Variants in PLPP3 observed in about 807,000 individuals in gnomAD.
The protein encoded by PLPP3 is phospholipid phosphatase 3, also known as PAP2 beta.
PLPP3 carries 6 observed loss-of-function variants against 29.6 expected under a neutral mutation model. That is an observed-to-expected ratio of 0.20 (90% CI 0.11 to 0.40). The LOEUF is 0.40. Among genes scored for constraint, PLPP3 ranks in the 10% least tolerant of loss-of-function variants. The pLI, the probability that PLPP3 is intolerant of heterozygous loss-of-function variation, is 1.00. For synonymous variants in PLPP3, 152 were observed against 159.7 expected, an observed-to-expected ratio of 0.95 and a Z score of 0.36; for missense variants, 308 against 407.7, an observed-to-expected ratio of 0.76 and a Z score of 2.11.
At chr1:56,540,272 C>T (rs1157983422) in intron 1 of PLPP3, among the ~76,000 whole-genome samples, 1 of 152,170 alleles carries the variant, frequency 6.6e-6, no homozygotes, top group African/African-American at 2.4e-5. Flanking sequence ...TATTAAGTTA[C>T]AAGGAACACA....
intron 4 of PLPP3, among the ~76,000 whole-genome samples, chr1:56,517,862 G>C (rs1346635375): frequency 6.6e-6 from 1 of 152,196 alleles, no homozygotes; most frequent in Non-Finnish European, 1.5e-5. Context: ...CAAGCGTACA[G>C]CTTTTGTAAG....
chr1:56,567,896 T>A (rs1034567450), intron 1 of PLPP3, among the ~76,000 whole-genome samples: 7 of 152,148 alleles, frequency 4.6e-5, no homozygotes, highest in Admixed American at 3.9e-4. Context: ...CACCCAAATG[T>A]TCATCAAGTG....
rs530727873 is a variant in PLPP3, at chr1:56,543,813, T to C, written c.140-6701A>G. On this transcript the variant is annotated intron_variant, in intron 1 of 5. Transcript: ENST00000371250. ...TTAGCAATTGCTCATTCTTCAGTACTGGAAAGTTCAGGCCCTTTCTCCACA... is the reference window on the plus strand; with the variant it reads ...TTAGCAATTGCTCATTCTTCAGTACCGGAAAGTTCAGGCCCTTTCTCCACA... Among the ~76,000 whole-genome samples, 23 of 152,318 alleles carry C rather than the reference T, an allele frequency of 1.5e-4. No individual in the cohort carries two copies. In the South Asian group the frequency reaches 4.1e-3, roughly 27 times the overall value.
At chr1:56,547,557 G>A (rs892218653) in intron 1 of PLPP3, among the ~76,000 whole-genome samples, 1 of 152,076 alleles carries the variant, frequency 6.6e-6, no homozygotes, top group Non-Finnish European at 1.5e-5. Flanking sequence ...TGGTTAGGCC[G>A]GATGGCTAAG....
At chr1:56,573,437 A>G (rs560769458) in intron 1 of PLPP3, among the ~76,000 whole-genome samples, 3 of 152,352 alleles carry the variant, frequency 2.0e-5, no homozygotes, top group Non-Finnish European at 4.4e-5. Context: ...AAAATGCCAG[A>G]ACATTCAGTG....
intron 1 of PLPP3, among the ~76,000 whole-genome samples, chr1:56,572,088 C>T (rs1646203948): frequency 8.8e-6 from 1 of 113,138 alleles, no homozygotes. Flanking sequence ...CTCGCTCTAT[C>T]ACCCAGCCTG....
chr1:56,553,746 A>G (rs920179983), intron 1 of PLPP3, among the ~76,000 whole-genome samples: 1 of 152,240 alleles, frequency 6.6e-6, no homozygotes, highest in Admixed American at 6.5e-5. Context: ...TACAATGGCA[A>G]ACAGTAGCAT....
chr1:56,561,697 G>A (rs1011763927), intron 1 of PLPP3, among the ~76,000 whole-genome samples: 2 of 152,026 alleles, frequency 1.3e-5, no homozygotes, highest in Admixed American at 6.6e-5. Flanking sequence ...AGAGATTTCA[G>A]AGAGGAGGCA....
intron 4 of PLPP3, among the ~76,000 whole-genome samples, chr1:56,515,080 A>G (rs763640214): frequency 1.3e-5 from 2 of 152,198 alleles, no homozygotes; most frequent in Non-Finnish European, 2.9e-5. Flanking sequence ...GGTGGGGTGC[A>G]TAACAGACAG....
chr1:56,533,870 A>C (rs536232825), intron 2 of PLPP3, among the ~76,000 whole-genome samples: 77 of 152,146 alleles, frequency 5.1e-4, no homozygotes, highest in Admixed American at 1.1e-3. Flanking sequence ...CCTAAGTCAG[A>C]TGATGCCTAA....
rs1329774312 is a variant in PLPP3, at chr1:56,557,040, G to GAAAGAAAGAA, written c.140-19929_140-19928insTTCTTTCTTT. Among the ~76,000 whole-genome samples the GAAAGAAAGAA allele has an allele frequency of 1.2e-3, 12 of 10,294 alleles. 3 individuals carry two copies. The highest frequency in any genetic ancestry group is 3.6e-3 in the Admixed American group (2 of 562). The allele number at this position is 10,294 out of a possible 152,430, so 6.8% of individuals were successfully genotyped here. A position where few individuals can be genotyped will look rare whatever the true frequency, so the allele number is the denominator to read the frequency against. ...AGAGAGAGAGAAAGAGAGAGAGAGAGAGAGAGAGAGAGAGAGAGAAAGAAA... is the reference window on the plus strand; with the variant it reads ...AGAGAGAGAGAAAGAGAGAGAGAGAGAAAGAAAGAAAGAGAGAGAGAGAGAGAGAAAGAAA... On this transcript the variant is annotated intron_variant, in intron 1 of 5. Coordinates refer to ENST00000371250, the MANE Select transcript of PLPP3 (RefSeq NM_003713.5).
intron 1 of PLPP3, among the ~76,000 whole-genome samples, chr1:56,574,222 A>C: frequency 6.6e-6 from 1 of 151,090 alleles, no homozygotes; most frequent in South Asian, 2.1e-4. Context: ...AACCCTAACC[A>C]TTATGGACAG....
chr1:56,516,963 T>G lies in PLPP3; in HGVS notation c.634-4811A>C, dbSNP rs550532956. ...GGTCTTGTGGAATTCCAACAAAACC[T>G]CCTTAGAAAGGTCCGACTGAACTTG... is the stretch of plus-strand genomic sequence containing the variant. On this transcript the variant is annotated intron_variant, in intron 4 of 5. Coordinates refer to ENST00000371250, the MANE Select transcript of PLPP3 (RefSeq NM_003713.5). 5.3e-5 allele frequency: 8 copies of G among 152,306 alleles called. No homozygotes were observed. The South Asian group carries it at 1.5e-3, about 28-fold the overall frequency. The allele number at this position is 152,306 out of a possible 1,614,324, so 9.4% of individuals were successfully genotyped here.
At chr1:56,565,791 T>G (rs1053414320) in intron 1 of PLPP3, among the ~76,000 whole-genome samples, 1 of 152,146 alleles carries the variant, frequency 6.6e-6, no homozygotes, top group Non-Finnish European at 1.5e-5. Flanking sequence ...ACCTCAAAAT[T>G]TAGAGCTGAT....
At position 56,512,049 on chromosome 1, in the gene PLPP3, AC is replaced by A. The variant is rs1277550093; in HGVS notation, c.736del (p.Val246TyrfsTer25). ...MMAFYTGLSRVSDHKHHPSDV... is the reference protein window; with the variant it reads ...MMAFYTGLSRXSDHKHHPSDV... ...ACTGGGATGGTGCTTGTGGTCTGAT[AC>A]GCGAGACAGTCCCGTGTAGAAGGCC... is the stretch of plus-strand genomic sequence containing the variant. On this transcript the variant is annotated frameshift_variant, in exon 5 of 6. Coordinates refer to ENST00000371250, the MANE Select transcript of PLPP3 (RefSeq NM_003713.5). LOFTEE classifies it high-confidence loss of function. 1 of 1,613,584 alleles carries A rather than the reference AC, an allele frequency of 6.2e-7. No homozygotes were observed.
intron 2 of PLPP3, among the ~76,000 whole-genome samples, chr1:56,525,267 G>A (rs1360287616): frequency 2.0e-5 from 3 of 152,188 alleles, no homozygotes; most frequent in Non-Finnish European, 4.4e-5. Context: ...AGAGTGTGAT[G>A]AATAGAATAC....
chr1:56,535,320 G>A (rs1371960014), intron 2 of PLPP3, among the ~76,000 whole-genome samples: 1 of 152,158 alleles, frequency 6.6e-6, no homozygotes, highest in African/African-American at 2.4e-5. Context: ...AGGGTGAAAT[G>A]CATCCACATT....
At chr1:56,501,133 C>T (rs1291075179) in intron 5 of PLPP3, among the ~76,000 whole-genome samples, 1 of 151,212 alleles carries the variant, frequency 6.6e-6, no homozygotes, top group African/African-American at 2.4e-5. Context: ...CTGAACAACA[C>T]CTATACAGTA....
At chr1:56,566,406 C>CCG (rs1646162338) in intron 1 of PLPP3, among the ~76,000 whole-genome samples, 1 of 152,168 alleles carries the variant, frequency 6.6e-6, no homozygotes, top group Non-Finnish European at 1.5e-5. Flanking sequence ...TCTCTTACCT[C>CCG]CGTTCTGTAA....
Sources: allele counts gnomAD v4.1 joint callset (sites outside exome capture counted in the v4.1 genomes callset), GRCh38; gene constraint gnomAD v4.1.1; transcripts MANE v1.5; gene names NCBI Gene and HGNC (gene_info 2026-07-23, HGNC 2026-07-21).